Variants in IMPACT observed in about 807,000 individuals in gnomAD.
The protein encoded by IMPACT is impact RWD domain protein.
In IMPACT, 35 loss-of-function variants were observed where a neutral mutation model predicts 47.5. The observed-to-expected ratio is 0.74, with a 90% CI of 0.56 to 0.98. The LOEUF is 0.98. IMPACT is among the 50% of genes least tolerant of loss of function. The pLI is 0.00. For synonymous variants in IMPACT, 118 were observed against 125.6 expected, an observed-to-expected ratio of 0.94 and a Z score of 0.40; for missense variants, 373 against 394.8, an observed-to-expected ratio of 0.94 and a Z score of 0.47.
chr18:24,436,199 G>A (rs972623557), intron 4 of IMPACT, among the ~76,000 whole-genome samples: 9 of 152,090 alleles, frequency 5.9e-5, no homozygotes, highest in African/African-American at 2.2e-4. Flanking sequence ...GGATAATATT[G>A]TAAGCATTAA....
chr18:24,427,825 T>A (rs1908651943), intron 1 of IMPACT, 94 bp from the exon 2 acceptor site: 1 of 1,239,756 alleles, frequency 8.1e-7, no homozygotes, highest in Non-Finnish European at 1.1e-6. Flanking sequence ...TGATCTACTC[T>A]GGTAATGTTG....
At chr18:24,428,808 A>G (rs1232959369) in intron 2 of IMPACT, 61 bp from the exon 3 acceptor site, 4 of 1,328,078 alleles carry the variant, frequency 3.0e-6, no homozygotes, top group Non-Finnish European at 4.2e-6. Context: ...TAGCTTTATA[A>G]ATATGGTTAC....
At chr18:24,438,590 G>A (rs981580089) in intron 5 of IMPACT, among the ~76,000 whole-genome samples, 3 of 152,158 alleles carry the variant, frequency 2.0e-5, no homozygotes, top group Non-Finnish European at 4.4e-5. Context: ...TCTCATGATT[G>A]GAGTGAGATT....
intron 1 of IMPACT, 145 bp from the exon 2 acceptor site, chr18:24,427,774 T>C (rs1247217977): frequency 1.0e-5 from 7 of 698,312 alleles, no homozygotes; most frequent in Non-Finnish European, 1.6e-5. Context: ...TGACCTGCTC[T>C]TAAGAAACTC....
In IMPACT at chr18:24,449,906, A is replaced by T; in HGVS notation, c.847A>T (p.Asn283Tyr). Reference sequence around the variant, plus strand: ...ACCAGATCGCTTTAAACATATCAACAACTGTGCCAGAAACATACTAGTGGA... The same window carrying T: ...ACCAGATCGCTTTAAACATATCAACTACTGTGCCAGAAACATACTAGTGGA... The part of the protein sequence containing the change: ...LGPDRFKHIN[N>Y]CARNILVEKN... The change falls in exon 10 of 11, where the codon AAC (asparagine) becomes TAC (tyrosine). Residue 283 changes from asparagine (N) to tyrosine (Y), a missense_variant. Asn to Tyr is a moderately radical substitution (Grantham distance 143). Coordinates refer to ENST00000284202, the MANE Select transcript of IMPACT (RefSeq NM_018439.4). 1 of 1,614,066 alleles carries T rather than the reference A, an allele frequency of 6.2e-7. No individual in the cohort carries two copies. Among genetic ancestry groups the T allele is most frequent in the Non-Finnish European group, 8.5e-7 (1 of 1,179,944 alleles).
rs772605461 is a variant in IMPACT at position 24,440,493 on chromosome 18, T to C, written c.368-3T>C. 12 of 1,611,256 alleles carry C rather than the reference T, an allele frequency of 7.4e-6. No homozygotes were observed. The Admixed American group carries it at 2.0e-4, about 27-fold the overall frequency. On this transcript the variant is annotated splice_polypyrimidine_tract_variant and splice_region_variant and intron_variant, in intron 5 of 10. Transcript: ENST00000284202. The stretch of plus-strand genomic sequence containing the variant: ...AAAGTAATTGTGTCTCATATTCACA[T>C]AGGCCCAGATGTAAAGAAGAAAACT...
chr18:24,449,542 T>G (rs1909325419), intron 9 of IMPACT, among the ~76,000 whole-genome samples: 1 of 152,182 alleles, frequency 6.6e-6, no homozygotes, highest in Non-Finnish European at 1.5e-5. Flanking sequence ...ACTTGCATGG[T>G]CTCCCCTTCA....
chr18:24,428,277 C>T (rs1171135067), intron 2 of IMPACT, among the ~76,000 whole-genome samples: 1 of 152,146 alleles, frequency 6.6e-6, no homozygotes, highest in African/African-American at 2.4e-5. Flanking sequence ...TGTTAATGTA[C>T]CCTTGAGAGA....
intron 2 of IMPACT, 117 bp downstream of exon 2, chr18:24,428,164 C>T: frequency 1.0e-6 from 1 of 979,652 alleles, no homozygotes; most frequent in Non-Finnish European, 1.5e-6. Flanking sequence ...TGGCTTTTCT[C>T]AATGATTAAA....
At chr18:24,450,674 A>T (rs1401361233) in intron 10 of IMPACT, 105 bp from the exon 11 acceptor site, 12 of 669,340 alleles carry the variant, frequency 1.8e-5, no homozygotes, top group African/African-American at 9.1e-5. Context: ...TATATGTATG[A>T]ATATATGTGG....
chr18:24,433,739 C>G (rs1433094497), intron 4 of IMPACT, among the ~76,000 whole-genome samples: 1 of 142,350 alleles, frequency 7.0e-6, no homozygotes, highest in Non-Finnish European at 1.5e-5. Flanking sequence ...GGTGCAATTT[C>G]AGCTCACTGC....
In IMPACT at chr18:24,428,005, T is replaced by C; in HGVS notation, c.123T>C (p.Ile41=). The C allele has an allele frequency of 6.3e-7, 1 of 1,599,622 alleles. No individual in the cohort carries two copies. Among genetic ancestry groups the C allele is most frequent in the Admixed American group, 1.8e-5 (1 of 55,098 alleles). The change falls in exon 2 of 11, where the codon ATT becomes ATC. Residue 41 remains isoleucine (I), a synonymous_variant. Coordinates refer to ENST00000284202, the MANE Select transcript of IMPACT (RefSeq NM_018439.4). ...DDCAKIFCIR[I]SDDIDDPKWT... ...GTGCCAAAATATTTTGTATTAGAATTAGCGACGATATAGATGACCCCAAAT... is the reference window on the plus strand; with the variant it reads ...GTGCCAAAATATTTTGTATTAGAATCAGCGACGATATAGATGACCCCAAAT...
At position 24,440,497 on chromosome 18, in the gene IMPACT, C is replaced by A; in HGVS notation, c.369C>A (p.Gly123=). The A allele has an allele frequency of 6.2e-7, 1 of 1,611,918 alleles. No homozygotes were observed. ...TAATTGTGTCTCATATTCACATAGGCCCAGATGTAAAGAAGAAAACTGAAG... is the reference window on the plus strand; with the variant it reads ...TAATTGTGTCTCATATTCACATAGGACCAGATGTAAAGAAGAAAACTGAAG... ...LIQKSQMTEP[G]PDVKKKTEEE... is the part of the protein sequence containing the mutation. The change falls in exon 6 of 11, where the codon GGC becomes GGA. Residue 123 remains glycine, a splice_region_variant and synonymous_variant. Coordinates refer to ENST00000284202, the MANE Select transcript of IMPACT (RefSeq NM_018439.4).
At position 24,437,988 on chromosome 18, in the gene IMPACT, G is replaced by T. The variant is rs748286740; in HGVS notation, c.315G>T (p.Trp105Cys). The change falls in exon 5 of 11, where the codon TGG (tryptophan) becomes TGT (cysteine). Residue 105 changes from tryptophan to cysteine, a missense_variant. By Grantham distance (215) the Trp-to-Cys change is radical. Transcript: ENST00000284202. ...QNIGESILYL[W>C]VEKIRDVLIQ... ...TCGGTGAAAGTATTCTTTACCTGTG[G>T]GTGGAGAAAATAAGAGATGTTCTTA... The T allele has an allele frequency of 1.3e-6, 2 of 1,581,970 alleles. No homozygotes were observed. The highest frequency in any genetic ancestry group is 1.7e-6 in the Non-Finnish European group (2 of 1,160,364).
intron 10 of IMPACT, among the ~76,000 whole-genome samples, chr18:24,450,259 C>A: frequency 6.6e-6 from 1 of 152,066 alleles, no homozygotes; most frequent in East Asian, 1.9e-4. Context: ...AGGTTCCATC[C>A]CTAAAATTGA....
chr18:24,434,776 A>AATATATATAT lies in IMPACT; in HGVS notation c.282-3168_282-3159dup, dbSNP rs1555666476. 5.4e-4 allele frequency among the ~76,000 whole-genome samples: 61 copies of AATATATATAT among 113,994 alleles called. 1 individual carries two copies. The highest frequency in any genetic ancestry group is 2.4e-3 in the African/African-American group (58 of 24,304). The allele number at this position is 113,994 out of a possible 152,430, so 74.8% of individuals were successfully genotyped here. Reference sequence around the variant, plus strand: ...AAAACTCTGTCTCAAAAAAAAAAAAAATATATATATATATATATATGTGTG... The same window carrying AATATATATAT: ...AAAACTCTGTCTCAAAAAAAAAAAAAATATATATATATATATATATATATATATATGTGTG... On this transcript the variant is annotated intron_variant, in intron 4 of 10. Coordinates refer to ENST00000284202, the MANE Select transcript of IMPACT (RefSeq NM_018439.4).
chr18:24,429,052 G>A, intron 3 of IMPACT, 131 bp downstream of exon 3: 2 of 563,542 alleles, frequency 3.5e-6, no homozygotes, highest in Non-Finnish European at 6.1e-6. Flanking sequence ...TACCTTTTGG[G>A]TTTGGTATAG....
intron 8 of IMPACT, among the ~76,000 whole-genome samples, chr18:24,446,997 C>G (rs1174335737): frequency 2.0e-5 from 3 of 152,156 alleles, no homozygotes; most frequent in East Asian, 1.9e-4. Context: ...ATTTGATAAT[C>G]CAATTTCATT....
intron 5 of IMPACT, among the ~76,000 whole-genome samples, chr18:24,440,191 A>T (rs1909064456): frequency 6.6e-6 from 1 of 152,038 alleles, no homozygotes. Context: ...ATCCTATCAT[A>T]TTTTTTTGTT....
Sources: gnomAD v4.1 joint callset for allele counts (sites outside exome capture counted in the v4.1 genomes callset) on GRCh38, gnomAD v4.1.1 for gene constraint, MANE v1.5 for transcripts, NCBI Gene and HGNC (gene_info 2026-07-23, HGNC 2026-07-21) for gene names.